Variants in ZNF704 observed in about 807,000 individuals in gnomAD.
ZNF704 encodes the protein zinc finger protein 704.
ZNF704 carries 10 observed loss-of-function variants against 44.7 expected under a neutral mutation model. The ratio of observed to expected loss-of-function variants is 0.22; its 90% confidence interval spans 0.14 to 0.38. The LOEUF is 0.38. Ranked by LOEUF, ZNF704 falls within the 10% of genes least tolerant of loss-of-function variation. The pLI, the probability that ZNF704 is intolerant of heterozygous loss-of-function variation, is 1.00. For missense variants in ZNF704, 390 were observed against 545.5 expected, an observed-to-expected ratio of 0.71 and a Z score of 2.84; for synonymous variants, 211 against 207.6, an observed-to-expected ratio of 1.02 and a Z score of -0.14.
intron 4 of ZNF704, among the ~76,000 whole-genome samples, chr8:80,671,420 C>T (rs965842344): frequency 3.9e-5 from 6 of 152,174 alleles, no homozygotes; most frequent in Admixed American, 3.9e-4. Flanking sequence ...GTTCTCAGTG[C>T]TCTTATTTAT....
At chr8:80,675,468 G>T (rs896740160) in intron 4 of ZNF704, among the ~76,000 whole-genome samples, 1 of 143,524 alleles carries the variant, frequency 7.0e-6, no homozygotes, top group African/African-American at 3.0e-5. Context: ...CTTAAGTTTT[G>T]TTTTGTTTTT....
chr8:80,749,297 C>T (rs1164422170), intron 2 of ZNF704, among the ~76,000 whole-genome samples: 1 of 152,038 alleles, frequency 6.6e-6, no homozygotes, highest in East Asian at 1.9e-4. Context: ...GGTGTGAGCC[C>T]CTGCACCTCG....
intron 2 of ZNF704, among the ~76,000 whole-genome samples, chr8:80,809,109 C>T (rs561436522): frequency 2.6e-5 from 4 of 152,216 alleles, no homozygotes; most frequent in South Asian, 2.1e-4. Context: ...TTGGCCAACA[C>T]GGTGAAACCC....
At chr8:80,641,774 T>C (rs1817748688) in intron 8 of ZNF704, among the ~76,000 whole-genome samples, 1 of 152,038 alleles carries the variant, frequency 6.6e-6, no homozygotes, top group Non-Finnish European at 1.5e-5. Context: ...GGCAGGAGAA[T>C]CACTTGAACC....
At chr8:80,759,883 G>A (rs2131717466) in intron 2 of ZNF704, among the ~76,000 whole-genome samples, 1 of 152,194 alleles carries the variant, frequency 6.6e-6, no homozygotes, top group Middle Eastern at 3.4e-3. Context: ...AGCCTCCCAA[G>A]TAGCTGACCA....
intron 2 of ZNF704, among the ~76,000 whole-genome samples, chr8:80,699,394 A>C (rs1299361930): frequency 6.9e-6 from 1 of 145,076 alleles, no homozygotes; most frequent in African/African-American, 2.7e-5. Flanking sequence ...ATCAAAATTG[A>C]TGGAAAAAGA....
At chr8:80,651,584 T>A (rs1037851412) in intron 7 of ZNF704, among the ~76,000 whole-genome samples, 1 of 152,156 alleles carries the variant, frequency 6.6e-6, no homozygotes, top group African/African-American at 2.4e-5. Context: ...CATTACATAA[T>A]GGTGAAGGGA....
intron 2 of ZNF704, among the ~76,000 whole-genome samples, chr8:80,775,798 T>G (rs1021922293): frequency 6.6e-6 from 1 of 152,176 alleles, no homozygotes; most frequent in African/African-American, 2.4e-5. Flanking sequence ...GTGATAAAAA[T>G]GTGCTCCAAT....
At chr8:80,712,910 T>G (rs1819009853) in intron 2 of ZNF704, among the ~76,000 whole-genome samples, 1 of 152,060 alleles carries the variant, frequency 6.6e-6, no homozygotes, top group Non-Finnish European at 1.5e-5. Flanking sequence ...GGTTTGGTTT[T>G]TTGAGACAGA....
intron 1 of ZNF704, among the ~76,000 whole-genome samples, chr8:80,841,482 C>T (rs1398962017): frequency 1.3e-5 from 2 of 152,044 alleles, no homozygotes; most frequent in African/African-American, 2.4e-5. Flanking sequence ...ATTTCTATTG[C>T]TATCATCATT....
At chr8:80,702,315 G>A (rs1300522050) in intron 2 of ZNF704, among the ~76,000 whole-genome samples, 1 of 152,258 alleles carries the variant, frequency 6.6e-6, no homozygotes, top group African/African-American at 2.4e-5. Context: ...CATGCTTAAG[G>A]TTTGGAATTG....
chr8:80,853,909 A>C (rs1179716214), intron 1 of ZNF704, among the ~76,000 whole-genome samples: 1 of 152,204 alleles, frequency 6.6e-6, no homozygotes, highest in African/African-American at 2.4e-5. Context: ...TAACGGGAGT[A>C]AACAAAAGAC....
At chr8:80,851,943 C>CT (rs1290830083) in intron 1 of ZNF704, among the ~76,000 whole-genome samples, 1 of 152,040 alleles carries the variant, frequency 6.6e-6, no homozygotes, top group Non-Finnish European at 1.5e-5. Context: ...GGCATGACCT[C>CT]TCGGGACTCC....
chr8:80,730,488 G>A (rs1392283897), intron 2 of ZNF704, among the ~76,000 whole-genome samples: 1 of 142,216 alleles, frequency 7.0e-6, no homozygotes, highest in Non-Finnish European at 1.5e-5. Context: ...GCAGTGAGCC[G>A]AGGTCGTGCC....
At chr8:80,690,528 G>A (rs537717661) in intron 3 of ZNF704, among the ~76,000 whole-genome samples, 3 of 152,160 alleles carry the variant, frequency 2.0e-5, no homozygotes, top group South Asian at 2.1e-4. Flanking sequence ...ATCCTAGGCC[G>A]GGACTACAGG....
intron 1 of ZNF704, among the ~76,000 whole-genome samples, chr8:80,844,260 T>TTAGG (rs1808730784): frequency 1.3e-5 from 2 of 152,070 alleles, no homozygotes; most frequent in Non-Finnish European, 2.9e-5. Context: ...AGAAATTTGT[T>TTAGG]TCTCACAGTT....
intron 1 of ZNF704, among the ~76,000 whole-genome samples, chr8:80,854,789 A>G (rs763805214): frequency 1.3e-5 from 2 of 152,218 alleles, no homozygotes; most frequent in African/African-American, 2.4e-5. Context: ...TGTAATATGC[A>G]TTCTGTACTT....
Position 80,665,151 on chromosome 8 carries a change from G to A in ZNF704, c.660-69C>T, listed in dbSNP as rs532242161. On this transcript the variant is annotated intron_variant, in intron 5 of 8. Coordinates refer to ENST00000327835, the MANE Select transcript of ZNF704 (RefSeq NM_001033723.3). ...TTTCTTGCCTTGAAATCTTGCACATGCATTTCCCCTCTGTCTGGAATGCTT... is the reference window on the plus strand; with the variant it reads ...TTTCTTGCCTTGAAATCTTGCACATACATTTCCCCTCTGTCTGGAATGCTT... 2.6e-6 allele frequency: 4 copies of A among 1,532,756 alleles called. No homozygotes were observed. In the South Asian group the frequency reaches 4.7e-5, roughly 18 times the overall value. The allele number at this position is 1,532,756 out of a possible 1,614,324, so 94.9% of individuals were successfully genotyped here.
intron 2 of ZNF704, among the ~76,000 whole-genome samples, chr8:80,731,106 G>T (rs1308155132): frequency 6.6e-6 from 1 of 152,138 alleles, no homozygotes; most frequent in East Asian, 1.9e-4. Flanking sequence ...AGCCAGAATG[G>T]CCATCTGTCC....
Sources: allele counts gnomAD v4.1 joint callset (sites outside exome capture counted in the v4.1 genomes callset), GRCh38; gene constraint gnomAD v4.1.1; transcripts MANE v1.5; gene names NCBI Gene and HGNC (gene_info 2026-07-23, HGNC 2026-07-21).